The following SDK1 variants were observed in gnomAD, a reference collection of about 807,000 sequenced individuals.
The protein encoded by SDK1 is sidekick cell adhesion molecule 1.
SDK1 carries 157 observed loss-of-function variants against 245.5 expected under a neutral mutation model. The ratio of observed to expected loss-of-function variants is 0.64; its 90% CI spans 0.56 to 0.73. SDK1 has a LOEUF of 0.73. SDK1 is among the 30% of genes least tolerant of loss of function. The pLI is 0.00. For synonymous variants in SDK1, 1,647 were observed against 1,278.5 expected, an observed-to-expected ratio of 1.29 and a Z score of -6.15; for missense variants, 3,583 against 3,002.3, an observed-to-expected ratio of 1.19 and a Z score of -4.52.
intron 1 of SDK1, among the ~76,000 whole-genome samples, chr7:3,446,833 G>C (rs1404650893): frequency 2.0e-5 from 3 of 152,124 alleles, no homozygotes; most frequent in Non-Finnish European, 2.9e-5. Flanking sequence ...AAGTGGGTTT[G>C]CTTTGAGATT....
intron 30 of SDK1, among the ~76,000 whole-genome samples, chr7:4,157,476 G>GAGAA (rs1485022606): frequency 0.6 from 62,687 of 105,256 alleles, 16,035 homozygotes; most frequent in East Asian, 0.77. Flanking sequence ...GAAGGAAGGA[G>GAGAA]GGAAGGAAGG....
intron 1 of SDK1, among the ~76,000 whole-genome samples, chr7:3,331,674 T>C (rs543579169): frequency 6.6e-6 from 1 of 152,332 alleles, no homozygotes; most frequent in South Asian, 2.1e-4. Context: ...ACACAAGTCT[T>C]TAAAGGATGA....
chr7:3,358,592 T>C (rs1780871238), intron 1 of SDK1, among the ~76,000 whole-genome samples: 1 of 152,220 alleles, frequency 6.6e-6, no homozygotes, highest in Non-Finnish European at 1.5e-5. Context: ...AAAATTTTTC[T>C]GTAAAGACAA....
intron 5 of SDK1, among the ~76,000 whole-genome samples, chr7:3,909,235 T>C (rs1779067163): frequency 6.6e-6 from 1 of 152,180 alleles, no homozygotes; most frequent in Non-Finnish European, 1.5e-5. Flanking sequence ...TACGGAGTTC[T>C]GCTGTCCTCT....
intron 2 of SDK1, among the ~76,000 whole-genome samples, chr7:3,628,683 A>C (rs1782193127): frequency 6.6e-6 from 1 of 152,172 alleles, no homozygotes; most frequent in South Asian, 2.1e-4. Context: ...AAAAACTGGC[A>C]ACCTGGGTCA....
chr7:3,999,077 T>G (rs1784881384), intron 14 of SDK1, among the ~76,000 whole-genome samples: 1 of 152,190 alleles, frequency 6.6e-6, no homozygotes, highest in African/African-American at 2.4e-5. Flanking sequence ...GATTTTCACT[T>G]TAGAATATCC....
chr7:4,182,957 GC>G (rs1033807134), intron 35 of SDK1, among the ~76,000 whole-genome samples: 1 of 152,242 alleles, frequency 6.6e-6, no homozygotes, highest in African/African-American at 2.4e-5. Flanking sequence ...TTTAATTAGA[GC>G]CCAGCCACAT....
intron 4 of SDK1, among the ~76,000 whole-genome samples, chr7:3,734,667 A>G (rs974473321): frequency 7.2e-5 from 11 of 152,326 alleles, no homozygotes; most frequent in Admixed American, 1.3e-4. Context: ...TTCTTTTCCA[A>G]TTGGAGGAAG....
intron 4 of SDK1, among the ~76,000 whole-genome samples, chr7:3,665,791 G>A (rs1783511913): frequency 6.6e-6 from 1 of 152,178 alleles, no homozygotes; most frequent in Non-Finnish European, 1.5e-5. Context: ...GGAGACAAAA[G>A]TGATAAAGTT....
intron 1 of SDK1, among the ~76,000 whole-genome samples, chr7:3,490,055 C>T (rs149472769): frequency 6.6e-6 from 1 of 152,136 alleles, no homozygotes; most frequent in African/African-American, 2.4e-5. Context: ...TCTACTGTCA[C>T]TTGCTTTCAA....
chr7:3,618,948 C>T (rs1485125758), intron 1 of SDK1, 132 bp from the exon 2 acceptor site: 7 of 704,992 alleles, frequency 9.9e-6, no homozygotes, highest in Non-Finnish European at 1.4e-5. Flanking sequence ...TTATTTACTT[C>T]TTAATTGGGC....
chr7:4,165,468 A>G (rs964837932), intron 32 of SDK1, among the ~76,000 whole-genome samples: 4 of 152,178 alleles, frequency 2.6e-5, no homozygotes, highest in African/African-American at 7.2e-5. Flanking sequence ...AGGACAGTCA[A>G]TCCTTGCCTT....
chr7:3,766,416 A>G (rs1780254292), intron 4 of SDK1, among the ~76,000 whole-genome samples: 1 of 152,144 alleles, frequency 6.6e-6, no homozygotes, highest in Admixed American at 6.5e-5. Flanking sequence ...AAGTTAGACT[A>G]CCTTGATTTT....
intron 1 of SDK1, among the ~76,000 whole-genome samples, chr7:3,592,635 A>G (rs991087421): frequency 2.6e-5 from 4 of 151,956 alleles, no homozygotes; most frequent in African/African-American, 9.7e-5. Flanking sequence ...TCCTTTCCTA[A>G]CTGCTACCAG....
chr7:4,074,886 G>GTGTGTGTGTGTGTGTATATA (rs1401453083), intron 20 of SDK1, among the ~76,000 whole-genome samples: 1 of 48,124 alleles, frequency 2.1e-5, no homozygotes, highest in African/African-American at 1.6e-4. Context: ...CTCTCTCTCT[G>GTGTGTGTGTGTGTGTATATA]TATATATATA....
chr7:3,620,723 C>G (rs1041694062), intron 2 of SDK1, among the ~76,000 whole-genome samples: 3 of 152,150 alleles, frequency 2.0e-5, no homozygotes, highest in Middle Eastern at 3.2e-3. Flanking sequence ...GAGCAGGCGG[C>G]TGAGCAGAGC....
chr7:3,326,495 G>C (rs557143609), intron 1 of SDK1, among the ~76,000 whole-genome samples: 1 of 152,144 alleles, frequency 6.6e-6, no homozygotes, highest in South Asian at 2.1e-4. Flanking sequence ...CAGTTGTCTG[G>C]TAATTCTGTT....
At chr7:3,998,539 G>T (rs1432312911) in intron 14 of SDK1, among the ~76,000 whole-genome samples, 1 of 151,990 alleles carries the variant, frequency 6.6e-6, no homozygotes, top group Non-Finnish European at 1.5e-5. Context: ...AGATCAATAC[G>T]CTTCAGCTTT....
chr7:3,508,979 C>A (rs1345283498), intron 1 of SDK1, among the ~76,000 whole-genome samples: 1 of 152,068 alleles, frequency 6.6e-6, no homozygotes, highest in Non-Finnish European at 1.5e-5. Context: ...ATAGAATGTT[C>A]TAGTAATATC....
Sources: allele counts gnomAD v4.1 joint callset (sites outside exome capture counted in the v4.1 genomes callset), GRCh38; gene constraint gnomAD v4.1.1; transcripts MANE v1.5; gene names NCBI Gene and HGNC (gene_info 2026-07-23, HGNC 2026-07-21).